Variants in CSMD1 observed in about 807,000 individuals in gnomAD.
The protein encoded by CSMD1 is CUB and Sushi multiple domains 1, also known as CUB and sushi domain-containing protein 1.
CSMD1 carries 213 observed loss-of-function variants against 417.5 expected under a neutral mutation model. The ratio of observed to expected loss-of-function variants is 0.51; its 90% CI spans 0.46 to 0.57. The LOEUF is 0.57. Ranked by LOEUF, CSMD1 falls within the 20% of genes least tolerant of loss-of-function variation. The pLI, the probability that CSMD1 is intolerant of heterozygous loss-of-function variation, is 0.00. For missense variants in CSMD1, 6,923 were observed against 4,529.7 expected (o/e 1.53, Z -15.17); for synonymous variants, 2,862 against 1,736.8 (o/e 1.65, Z -16.11).
chr8:4,912,558 C>G (rs1240240079), intron 1 of CSMD1, among the ~76,000 whole-genome samples: 1 of 152,142 alleles, frequency 6.6e-6, no homozygotes, highest in Non-Finnish European at 1.5e-5. Context: ...AGTGACTTCA[C>G]TGGGGTAGTC....
At chr8:3,869,703 T>C (rs897776613) in intron 5 of CSMD1, among the ~76,000 whole-genome samples, 1 of 152,064 alleles carries the variant, frequency 6.6e-6, no homozygotes, top group African/African-American at 2.4e-5. Context: ...GCCAGGAGCA[T>C]GTGGGGAAGC....
At chr8:3,438,101 A>C (rs1438191811) in intron 12 of CSMD1, among the ~76,000 whole-genome samples, 1 of 152,226 alleles carries the variant, frequency 6.6e-6, no homozygotes, top group African/African-American at 2.4e-5. Flanking sequence ...TTAGCTATTA[A>C]AATTATTTGA....
intron 23 of CSMD1, among the ~76,000 whole-genome samples, chr8:3,328,454 C>T (rs556486555): frequency 1.2e-4 from 18 of 152,146 alleles, no homozygotes; most frequent in South Asian, 4.1e-4. Flanking sequence ...CACAGAATAC[C>T]TTACAAAATT....
chr8:3,026,538 GACTGGACCTCACTGACTTC>G (rs1196753288), intron 51 of CSMD1, among the ~76,000 whole-genome samples: 12 of 150,694 alleles, frequency 8.0e-5, no homozygotes, highest in African/African-American at 2.7e-4. Flanking sequence ...CACGGGGCCT[GACTGGACCTCACTGACTTC>G]ACTGGACCTC....
chr8:3,119,467 A>C (rs1320847900), intron 41 of CSMD1, among the ~76,000 whole-genome samples: 1 of 147,744 alleles, frequency 6.8e-6, no homozygotes, highest in Non-Finnish European at 1.5e-5. Flanking sequence ...TTATAACATG[A>C]TTTATTGTGC....
intron 3 of CSMD1, 51 bp downstream of exon 3, chr8:4,419,902 T>G (rs1797150686): frequency 3.4e-6 from 4 of 1,183,228 alleles, no homozygotes; most frequent in East Asian, 5.1e-5. Context: ...GTAGCATGTA[T>G]TAGATCATTT....
chr8:4,578,346 T>TC (rs1349576283), intron 2 of CSMD1, among the ~76,000 whole-genome samples: 1 of 143,756 alleles, frequency 7.0e-6, no homozygotes. Flanking sequence ...TTTTTTTTTT[T>TC]TTTTTTTTTT....
rs73173860 is a variant in CSMD1, at chr8:4,113,762, T to C, written c.416-81663A>G. Among the ~76,000 whole-genome samples the C allele has an allele frequency of 9.2e-3, 1,399 of 152,232 alleles. 12 individuals are homozygous for C. The highest frequency in any genetic ancestry group is 0.046 in the South Asian group (220 of 4,822). ...AAATGAAACAGCCTTATTGGTGAGATGGAGAAAGTTTTCAAGTTATCTGCA... is the reference window on the plus strand; with the variant it reads ...AAATGAAACAGCCTTATTGGTGAGACGGAGAAAGTTTTCAAGTTATCTGCA... On this transcript the variant is annotated intron_variant, in intron 3 of 69. Transcript: ENST00000635120.
intron 5 of CSMD1, among the ~76,000 whole-genome samples, chr8:3,785,391 A>G (rs1563077060): frequency 6.6e-6 from 1 of 152,142 alleles, no homozygotes; most frequent in Non-Finnish European, 1.5e-5. Flanking sequence ...CTGGCCATCA[A>G]GGGTCTGTTC....
chr8:2,996,820 A>G (rs1806937904), intron 54 of CSMD1, among the ~76,000 whole-genome samples: 1 of 152,246 alleles, frequency 6.6e-6, no homozygotes, highest in Non-Finnish European at 1.5e-5. Context: ...TATTAAAGGA[A>G]AAAACAAACA....
At chr8:3,738,236 A>G (rs1456060610) in intron 6 of CSMD1, among the ~76,000 whole-genome samples, 1 of 152,230 alleles carries the variant, frequency 6.6e-6, no homozygotes, top group East Asian at 1.9e-4. Flanking sequence ...TGCTACTTAA[A>G]AAGCAAGAGA....
chr8:3,919,023 A>G (rs1342828346), intron 5 of CSMD1, among the ~76,000 whole-genome samples: 1 of 152,032 alleles, frequency 6.6e-6, no homozygotes, highest in African/African-American at 2.4e-5. Context: ...AGAAACACCT[A>G]TGGAAATATT....
At chr8:4,325,042 A>C (rs1220138614) in intron 3 of CSMD1, among the ~76,000 whole-genome samples, 1 of 152,178 alleles carries the variant, frequency 6.6e-6, no homozygotes, top group African/African-American at 2.4e-5. Context: ...TGGCTCCTTA[A>C]AATGGCTTGT....
At chr8:4,651,453 A>G (rs1243334878) in intron 1 of CSMD1, among the ~76,000 whole-genome samples, 1 of 152,170 alleles carries the variant, frequency 6.6e-6, no homozygotes, top group Non-Finnish European at 1.5e-5. Context: ...TAGCTTGATT[A>G]TAGTCATATA....
At chr8:3,846,561 T>G (rs571541729) in intron 5 of CSMD1, among the ~76,000 whole-genome samples, 1 of 152,224 alleles carries the variant, frequency 6.6e-6, no homozygotes, top group Non-Finnish European at 1.5e-5. Context: ...TATGAAATGT[T>G]TGACTTTAGA....
chr8:4,119,087 G>A (rs1044299174), intron 3 of CSMD1, among the ~76,000 whole-genome samples: 14 of 152,056 alleles, frequency 9.2e-5, no homozygotes, highest in African/African-American at 3.4e-4. Flanking sequence ...ACAGGGACCT[G>A]TCAGTGGGTG....
rs560316075 is a variant in CSMD1 at position 3,998,110 on chromosome 8, G to C, written c.611C>G (p.Ala204Gly). 66 of 1,559,038 alleles carry C rather than the reference G, an allele frequency of 4.2e-5. 1 individual carries two copies. Among genetic ancestry groups the C allele is most frequent in the South Asian group, 3.9e-4 (33 of 84,906 alleles). ...TAAGGTTCCTCCGCAGGCTCCCTCA[G>C]CTGCAGGGGCAAAAGCAGAAAGAAA... Reference protein sequence around the residue: ...SWDFPAPFCRAEGACGGTLRG... With the variant: ...SWDFPAPFCRGEGACGGTLRG... Residue 204 changes from alanine to glycine, a missense_variant and splice_region_variant, in exon 5 of 70, where the codon GCT (alanine) becomes GGT (glycine). Transcript: ENST00000635120.
At chr8:3,423,145 A>C (rs531672259) in intron 12 of CSMD1, among the ~76,000 whole-genome samples, 2 of 152,282 alleles carry the variant, frequency 1.3e-5, no homozygotes, top group East Asian at 3.9e-4. Context: ...ATTTTTAAAT[A>C]ATCAGTTTAA....
At chr8:3,264,916 G>C (rs1306203909) in intron 26 of CSMD1, among the ~76,000 whole-genome samples, 1 of 152,064 alleles carries the variant, frequency 6.6e-6, no homozygotes, top group Non-Finnish European at 1.5e-5. Flanking sequence ...TGTCAGAATT[G>C]CTAACATCGG....
Sources: gnomAD v4.1 joint callset for allele counts (sites outside exome capture counted in the v4.1 genomes callset) on GRCh38, gnomAD v4.1.1 for gene constraint, MANE v1.5 for transcripts, NCBI Gene and HGNC (gene_info 2026-07-23, HGNC 2026-07-21) for gene names.